The following NCOR2 variants were observed in gnomAD, a reference collection of about 807,000 sequenced individuals.
NCOR2 encodes the protein nuclear receptor corepressor 2.
NCOR2 carries 81 observed loss-of-function variants against 262.9 expected under a neutral mutation model. That is an observed-to-expected ratio of 0.31 (90% CI 0.26 to 0.37). The LOEUF (loss-of-function observed/expected upper bound fraction) is 0.37, where lower values mean the gene tolerates loss of function less well. Ranked by LOEUF, NCOR2 falls within the 10% of genes least tolerant of loss-of-function variation. NCOR2 has a pLI of 1.00. For synonymous variants in NCOR2, 1,659 were observed against 1,559.3 expected (o/e 1.06, Z -1.51); for missense variants, 3,385 against 3,621.4 (o/e 0.93, Z 1.68).
chr12:124,473,107 C>G (rs1336883854), exon 4 of NCOR2: 2 of 1,613,966 alleles, frequency 1.2e-6, no homozygotes, highest in Middle Eastern at 3.3e-4. Flanking sequence ...GACACCGGTT[C>G]CAGCTTGCCC....
At chr12:124,416,687 AG>A (rs2042885040) in intron 13 of NCOR2, among the ~76,000 whole-genome samples, 1 of 132,502 alleles carries the variant, frequency 7.5e-6, no homozygotes, top group Admixed American at 7.6e-5. Flanking sequence ...CCCGCGACAC[AG>A]GGAGTCCCCG....
chr12:124,408,498 G>A (rs1042028442), intron 13 of NCOR2, among the ~76,000 whole-genome samples: 1 of 152,170 alleles, frequency 6.6e-6, no homozygotes, highest in Non-Finnish European at 1.5e-5. Flanking sequence ...TGTAATCTCA[G>A]TGCTTTGGGA....
intron 11 of NCOR2, 63 bp downstream of exon 13, chr12:124,426,559 C>A: frequency 2.1e-6 from 3 of 1,456,564 alleles, no homozygotes; most frequent in Non-Finnish European, 2.8e-6. Flanking sequence ...CGGGAGACAG[C>A]GCAGGCCTCA....
At chr12:124,363,450 G>T (rs902290089) in intron 21 of NCOR2, among the ~76,000 whole-genome samples, 1 of 152,230 alleles carries the variant, frequency 6.6e-6, no homozygotes, top group Non-Finnish European at 1.5e-5. Flanking sequence ...GGGGTGGAAG[G>T]GGGGAGGCCT....
chr12:124,425,762 C>T (rs1340995242), intron 11 of NCOR2, among the ~76,000 whole-genome samples: 3 of 152,196 alleles, frequency 2.0e-5, no homozygotes, highest in East Asian at 3.9e-4. Flanking sequence ...ATTCCCTATA[C>T]AGCCTCTCCA....
At chr12:124,360,034 C>T (rs572113085) in intron 22 of NCOR2, among the ~76,000 whole-genome samples, 27 of 152,338 alleles carry the variant, frequency 1.8e-4, no homozygotes, top group African/African-American at 5.8e-4. Flanking sequence ...GAGTGCCAGC[C>T]GCGGGAACTG....
At chr12:124,398,344 C>T (rs369679169) in intron 15 of NCOR2, among the ~76,000 whole-genome samples, 163 bp from the exon 18 acceptor site, 77 of 152,374 alleles carry the variant, frequency 5.1e-4, no homozygotes, top group African/African-American at 1.8e-3. Flanking sequence ...ACGCCCCTCC[C>T]CAGCCAGTAC....
chr12:124,410,561 G>A (rs1198185042), intron 13 of NCOR2, among the ~76,000 whole-genome samples: 3 of 151,990 alleles, frequency 2.0e-5, no homozygotes, highest in Admixed American at 6.6e-5. Flanking sequence ...TGGGAAAGTC[G>A]GCACCACCGG....
At chr12:124,383,086 C>A (rs984239931) in intron 17 of NCOR2, among the ~76,000 whole-genome samples, 1 of 152,188 alleles carries the variant, frequency 6.6e-6, no homozygotes, top group Non-Finnish European at 1.5e-5. Context: ...ACCACCAGCA[C>A]CATCACAGCT....
At chr12:124,480,300 C>A (rs1198915904) in intron 3 of NCOR2, among the ~76,000 whole-genome samples, 1 of 152,186 alleles carries the variant, frequency 6.6e-6, no homozygotes, top group Non-Finnish European at 1.5e-5. Context: ...CGTGTCACAG[C>A]TGGCCGGGCA....
intron 3 of NCOR2, among the ~76,000 whole-genome samples, chr12:124,475,559 G>A (rs1022644631): frequency 3.3e-5 from 5 of 152,258 alleles, no homozygotes; most frequent in African/African-American, 9.6e-5. Context: ...CCATTGTATT[G>A]CAAAAGCAGC....
chr12:124,535,722 G>A (rs981774633), upstream of NCOR2: 6 of 152,376 alleles, frequency 3.9e-5, no homozygotes, highest in Admixed American at 3.9e-4. Flanking sequence ...CCCATGTGTC[G>A]TAAGCACTGG....
At position 124,363,804 on chromosome 12, in the gene NCOR2, G is replaced by C. The variant is rs530063328; in HGVS notation, c.2808-5C>G. The C allele has an allele frequency of 7.4e-7, 1 of 1,345,204 alleles. No individual in the cohort carries two copies. The highest frequency in any genetic ancestry group is 2.8e-5 in the East Asian group (1 of 35,940). The allele number at this position is 1,345,204 out of a possible 1,614,324, so 83.3% of individuals were successfully genotyped here. On this transcript the variant is annotated splice_region_variant and splice_polypyrimidine_tract_variant and intron_variant, in intron 20 of 46. Transcript: ENST00000405201. ...CTGGGCCTTGGGGACAGCAGCCTGC[G>C]GGCACACGAGCACCATCAGCTGGGG...
intron 1 of NCOR2, among the ~76,000 whole-genome samples, chr12:124,555,093 G>T (rs912335214): frequency 2.6e-5 from 4 of 152,242 alleles, no homozygotes; most frequent in Non-Finnish European, 5.9e-5. Flanking sequence ...TGTGTCCTGA[G>T]CCAATGATAT....
chr12:124,380,183 C>T (rs1323619133), intron 17 of NCOR2, among the ~76,000 whole-genome samples: 1 of 152,222 alleles, frequency 6.6e-6, no homozygotes, highest in Non-Finnish European at 1.5e-5. Context: ...GTGGGCCCCG[C>T]CCACCCCAGC....
chr12:124,482,024 C>T lies in NCOR2; in HGVS notation c.411+1572G>A, dbSNP rs2047518330. On this transcript the variant is annotated intron_variant, in intron 3 of 46. Transcript: ENST00000405201. This position sits in a 1 kb window ranked among gnomAD's most constrained non-coding sequence, Gnocchi z 6.3. ...GATTTGCTGATGGACTGGAAGTACG[C>T]AGGAGAGCAGGGAGGTGGCCAGGGT... Among the ~76,000 whole-genome samples the T allele has an allele frequency of 6.6e-6, 1 of 152,100 alleles. No homozygotes were observed. Among genetic ancestry groups the T allele is most frequent in the Non-Finnish European group, 1.5e-5 (1 of 67,996 alleles).
At chr12:124,325,392 C>CCAGT in exon 47 of NCOR2, 1 of 1,152,268 alleles carries the variant, frequency 8.7e-7, no homozygotes. Context: ...CCCCCCCGCC[C>CCAGT]TGTTCTGAGT....
chr12:124,381,595 A>G (rs1022614210), intron 17 of NCOR2, among the ~76,000 whole-genome samples: 1 of 152,224 alleles, frequency 6.6e-6, no homozygotes, highest in Admixed American at 6.5e-5. Flanking sequence ...AGACAGTGAC[A>G]ATGGCTCAGA....
At chr12:124,512,876 A>G (rs541646210) in intron 1 of NCOR2, among the ~76,000 whole-genome samples, 190 of 152,212 alleles carry the variant, frequency 1.2e-3, no homozygotes, top group Admixed American at 2.0e-3. Flanking sequence ...CCAAACTGAC[A>G]GTGAGTCACC....
Sources: gnomAD v4.1 joint callset for allele counts (sites outside exome capture counted in the v4.1 genomes callset) on GRCh38, gnomAD v4.1.1 for gene constraint, Gnocchi (gnomAD v3.1) non-coding constraint, MANE v1.5 for transcripts, NCBI Gene and HGNC (gene_info 2026-07-23, HGNC 2026-07-21) for gene names.